UNC79: variants seen among roughly 807,000 people sequenced by gnomAD.
UNC79 encodes unc-79 subunit of NALCN channel complex.
UNC79 carries 37 observed loss-of-function variants against 283.1 expected under a neutral mutation model. The ratio of observed to expected loss-of-function variants is 0.13; its 90% CI spans 0.10 to 0.17. The LOEUF is 0.17. UNC79 is among the 10% of genes least tolerant of loss of function. The probability of loss-of-function intolerance (pLI) is 1.00; values close to 1 mark genes in which losing one functional copy is unlikely to be tolerated. For missense variants in UNC79, 2,272 were observed against 3,211.1 expected (o/e 0.71, Z 7.07); for synonymous variants, 1,107 against 1,200.2 (o/e 0.92, Z 1.61).
At chr14:93,425,607 T>C, upstream of UNC79, among the ~76,000 whole-genome samples, 1 of 152,170 alleles carries the variant, frequency 6.6e-6, no homozygotes. Context: ...TATGATCAAG[T>C]TGGCATGGAA....
intron 14 of UNC79, among the ~76,000 whole-genome samples, chr14:93,552,824 A>C (rs773384998): frequency 9.9e-5 from 15 of 152,110 alleles, no homozygotes; most frequent in Non-Finnish European, 1.9e-4. Context: ...AATTGGGTGA[A>C]TTCCTCCCCT....
intron 31 of UNC79, among the ~76,000 whole-genome samples, chr14:93,635,100 C>T (rs757412987): frequency 6.6e-6 from 1 of 152,116 alleles, no homozygotes; most frequent in African/African-American, 2.4e-5. Flanking sequence ...TGTGTTTTAG[C>T]CAGCAGGGTC....
In UNC79 at chr14:93,333,536, C is replaced by T; in HGVS notation, c.-351+13C>T. 7.5e-6 allele frequency: 3 copies of T among 398,042 alleles called. No homozygotes were observed. The East Asian group carries it at 1.1e-4, about 14-fold the overall frequency. 24.7% of individuals were successfully genotyped at this position (398,042 alleles called of 1,614,324 possible). The stretch of plus-strand genomic sequence containing the variant: ...GCACTTGTCTATCGTAAGCACTTGT[C>T]TGCATGGTACTTTTACAGGCACCAC... On this transcript the variant is annotated intron_variant, in intron 1 of 49. Transcript: ENST00000256339.
intron 7 of UNC79, among the ~76,000 whole-genome samples, chr14:93,502,833 G>A (rs2059361876): frequency 1.3e-5 from 2 of 152,200 alleles, no homozygotes; most frequent in South Asian, 4.1e-4. Context: ...ACTACAAGGT[G>A]AAATTTTGGT....
chr14:93,570,275 C>T (rs1441548812), intron 14 of UNC79, among the ~76,000 whole-genome samples: 1 of 152,162 alleles, frequency 6.6e-6, no homozygotes, highest in Non-Finnish European at 1.5e-5. Context: ...ACGGATTGGC[C>T]TGCCCATCCA....
At chr14:93,347,417 T>C (rs781476009) in intron 1 of UNC79, 16 of 1,455,072 alleles carry the variant, frequency 1.1e-5, no homozygotes, top group Non-Finnish European at 1.1e-5. Flanking sequence ...CCAGCCATCA[T>C]GGTGGGCGGG....
At chr14:93,467,790 A>C in exon 2 of UNC79, 1 of 1,503,932 alleles carries the variant, frequency 6.6e-7, no homozygotes, top group Non-Finnish European at 8.8e-7. Context: ...GACCTTGTTA[A>C]GGTAAGCTTT....
intron 2 of UNC79, among the ~76,000 whole-genome samples, chr14:93,468,468 G>A (rs1041155717): frequency 6.6e-6 from 1 of 152,178 alleles, no homozygotes; most frequent in South Asian, 2.1e-4. Context: ...AACCTCTCAC[G>A]TTCCATTAAA....
chr14:93,525,269 AC>A, intron 8 of UNC79, among the ~76,000 whole-genome samples: 1 of 151,900 alleles, frequency 6.6e-6, no homozygotes, highest in Non-Finnish European at 1.5e-5. Flanking sequence ...ACATGGTGAA[AC>A]CCCGTCTCTA....
exon 30 of UNC79, chr14:93,622,841 G>A: frequency 6.2e-7 from 1 of 1,610,994 alleles, no homozygotes; most frequent in Non-Finnish European, 8.5e-7. Flanking sequence ...GAAAGATCCA[G>A]GTAAGCTCGC....
chr14:93,661,949 A>T (rs1278165166), intron 39 of UNC79, among the ~76,000 whole-genome samples: 1 of 152,220 alleles, frequency 6.6e-6, no homozygotes, highest in Non-Finnish European at 1.5e-5. Context: ...GTTATGAGAA[A>T]TTTGAGTAAG....
At chr14:93,454,282 C>T (rs2056734038) in intron 1 of UNC79, among the ~76,000 whole-genome samples, 1 of 152,142 alleles carries the variant, frequency 6.6e-6, no homozygotes, top group South Asian at 2.1e-4. Flanking sequence ...TGAGCTCAAG[C>T]AATCCACTTG....
chr14:93,558,166 T>C (rs2141380771), intron 14 of UNC79, among the ~76,000 whole-genome samples: 1 of 152,280 alleles, frequency 6.6e-6, no homozygotes, highest in South Asian at 2.1e-4. Flanking sequence ...TGGCAACCCC[T>C]CCATGACAGA....
intron 1 of UNC79, among the ~76,000 whole-genome samples, chr14:93,392,409 G>A (rs1208045372): frequency 1.3e-5 from 2 of 152,134 alleles, no homozygotes; most frequent in Non-Finnish European, 2.9e-5. Context: ...ATACTTATGG[G>A]AAGGGTACAG....
chr14:93,624,657 C>T (rs910135520), intron 30 of UNC79, among the ~76,000 whole-genome samples: 5 of 152,202 alleles, frequency 3.3e-5, no homozygotes, highest in Non-Finnish European at 7.3e-5. Flanking sequence ...ATAGTTATAA[C>T]ATGTCTTTAA....
intron 30 of UNC79, among the ~76,000 whole-genome samples, chr14:93,623,212 AC>A (rs2067275769): frequency 6.6e-6 from 1 of 152,218 alleles, no homozygotes; most frequent in Non-Finnish European, 1.5e-5. Flanking sequence ...TCTGCCCTGT[AC>A]TAGTGAGCTA....
chr14:93,392,278 A>G (rs1310128902), intron 1 of UNC79, among the ~76,000 whole-genome samples: 13 of 152,212 alleles, frequency 8.5e-5, no homozygotes, highest in African/African-American at 3.1e-4. Flanking sequence ...ATATAACAAC[A>G]TGATGAATTT....
chr14:93,452,894 TAG>T (rs993297204), intron 1 of UNC79, among the ~76,000 whole-genome samples: 26 of 152,206 alleles, frequency 1.7e-4, no homozygotes, highest in African/African-American at 6.3e-4. Context: ...AAGCAGTCTT[TAG>T]AGAGTTGTAC....
chr14:93,497,328 C>T lies in UNC79; in HGVS notation c.898+42C>T. 3 of 1,596,710 alleles carry T rather than the reference C, an allele frequency of 1.9e-6. No individual in the cohort carries two copies. In the Admixed American group the frequency reaches 5.1e-5, roughly 27 times the overall value. ...CCTGTGATGCCCCATCTGTATTTCT[C>T]CTGTGCCACACTGGCCTCACCTACT... On this transcript the variant is annotated intron_variant, in intron 7 of 48. Transcript: ENST00000555664.
Sources: allele counts gnomAD v4.1 joint callset (sites outside exome capture counted in the v4.1 genomes callset), GRCh38; gene constraint gnomAD v4.1.1; transcripts MANE v1.5; gene names NCBI Gene and HGNC (gene_info 2026-07-23, HGNC 2026-07-21).